The following TMTC1 variants were observed in gnomAD, a reference collection of about 807,000 sequenced individuals.
TMTC1 encodes the protein transmembrane O-mannosyltransferase targeting cadherins 1, also known as protein O-mannosyl-transferase TMTC1.
A neutral mutation model predicts 104.8 loss-of-function variants in TMTC1; 73 were observed. The ratio of observed to expected loss-of-function variants is 0.70; its 90% CI spans 0.58 to 0.85. TMTC1 has a LOEUF of 0.85. Ranked by LOEUF, TMTC1 falls within the 40% of genes least tolerant of loss-of-function variation. The pLI, the probability that TMTC1 is intolerant of heterozygous loss-of-function variation, is 0.00. For synonymous variants in TMTC1, 434 were observed against 428.7 expected (o/e 1.01, Z -0.15); for missense variants, 1,035 against 1,096.1 (o/e 0.94, Z 0.79).
chr12:29,774,815 A>G (rs1210948417), intron 1 of TMTC1, among the ~76,000 whole-genome samples: 1 of 152,224 alleles, frequency 6.6e-6, no homozygotes, highest in East Asian at 1.9e-4. Flanking sequence ...ATTATTGCTT[A>G]ATGTATCTGA....
intron 5 of TMTC1, among the ~76,000 whole-genome samples, chr12:29,702,725 G>A (rs1391159863): frequency 3.9e-5 from 6 of 152,096 alleles, no homozygotes; most frequent in South Asian, 2.1e-4. Flanking sequence ...CGGCCACTCC[G>A]TTACTGTAGA....
chr12:29,612,651 G>A (rs1423026166), intron 6 of TMTC1, among the ~76,000 whole-genome samples: 1 of 152,110 alleles, frequency 6.6e-6, no homozygotes, highest in Admixed American at 6.6e-5. Flanking sequence ...CTGAACTCAA[G>A]TGATCTGCCT....
chr12:29,506,831 G>C lies in TMTC1; in HGVS notation c.*15C>G. On this transcript the variant is annotated 3_prime_UTR_variant, in exon 18 of 18. Transcript: ENST00000539277. ...GGCACCACATTATCCTATGAGGTTG[G>C]GTCAGACGGTGGTGCTATGTTTGAT... 6.2e-7 allele frequency: 1 copy of C among 1,613,886 alleles called. No homozygotes were observed.
In TMTC1 at chr12:29,516,357, G is replaced by A; in HGVS notation, c.2299C>T (p.His767Tyr). The stretch of plus-strand genomic sequence containing the variant: ...ACAATGTCCTTCTTTACCTTGTCGT[G>A]GTTCTCCTGCTTGCTATAGATGGCT... ...LSAIYSKQENHDKALDAIDKA... is the reference protein window; with the variant it reads ...LSAIYSKQENYDKALDAIDKA... The change falls in exon 15 of 18, where the codon CAC becomes TAC. Residue 767 changes from histidine (H) to tyrosine (Y), a missense_variant. Transcript: ENST00000539277. 1 of 1,613,192 alleles carries A rather than the reference G, an allele frequency of 6.2e-7. No individual in the cohort carries two copies. The highest frequency in any genetic ancestry group is 8.5e-7 in the Non-Finnish European group (1 of 1,179,434).
intron 6 of TMTC1, among the ~76,000 whole-genome samples, chr12:29,614,312 C>T (rs1946922283): frequency 1.3e-5 from 2 of 152,174 alleles, no homozygotes; most frequent in Non-Finnish European, 2.9e-5. Context: ...CATGTTGCAT[C>T]TCATTGGACA....
chr12:29,778,804 T>C (rs1157960139), intron 1 of TMTC1, among the ~76,000 whole-genome samples: 1 of 152,216 alleles, frequency 6.6e-6, no homozygotes, highest in Admixed American at 6.5e-5. Flanking sequence ...GGATGTACTA[T>C]GGGGATCTGA....
chr12:29,510,721 C>T (rs1225022820), intron 17 of TMTC1, among the ~76,000 whole-genome samples: 2 of 152,186 alleles, frequency 1.3e-5, no homozygotes, highest in Admixed American at 6.5e-5. Context: ...TTAATCACTA[C>T]ACTGCTATTT....
chr12:29,665,704 T>C lies in TMTC1; in HGVS notation c.939-32368A>G, dbSNP rs1940250753. Among the ~76,000 whole-genome samples the C allele has an allele frequency of 2.6e-5, 4 of 152,224 alleles. No individual in the cohort carries two copies. The South Asian group carries it at 8.3e-4, about 32-fold the overall frequency. On this transcript the variant is annotated intron_variant, in intron 5 of 17. Coordinates refer to ENST00000539277, the MANE Select transcript of TMTC1 (RefSeq NM_001193451.2). ...CTGAACCTTCTCCTAGGCCCATCTG[T>C]GTACTTTCTTGTAAAATCCAGTCTT...
intron 5 of TMTC1, among the ~76,000 whole-genome samples, chr12:29,738,898 T>C (rs893978728): frequency 6.6e-6 from 1 of 152,166 alleles, no homozygotes; most frequent in African/African-American, 2.4e-5. Flanking sequence ...GTGAACACTC[T>C]ACAAAACTAT....
Position 29,769,004 on chromosome 12 carries a change from T to C in TMTC1, c.303-929A>G, listed in dbSNP as rs924633815. On this transcript the variant is annotated intron_variant, in intron 1 of 17. Coordinates refer to ENST00000539277, the MANE Select transcript of TMTC1 (RefSeq NM_001193451.2). Reference sequence around the variant, plus strand: ...ATACCCTAAGTGGTGCTGCCTACAGTTGTCTGTATTCTAGTCAATTTTACC... The same window carrying C: ...ATACCCTAAGTGGTGCTGCCTACAGCTGTCTGTATTCTAGTCAATTTTACC... 3.9e-5 allele frequency among the ~76,000 whole-genome samples: 6 copies of C among 152,270 alleles called. No homozygotes were observed. In the East Asian group the frequency reaches 5.8e-4, roughly 15 times the overall value.
chr12:29,663,325 A>C (rs1367972463), intron 5 of TMTC1, among the ~76,000 whole-genome samples: 1 of 152,172 alleles, frequency 6.6e-6, no homozygotes, highest in Non-Finnish European at 1.5e-5. Context: ...GAAATGGAAA[A>C]GGTGCTGGGG....
At chr12:29,621,903 T>C (rs142494701) in intron 6 of TMTC1, among the ~76,000 whole-genome samples, 16 of 152,280 alleles carry the variant, frequency 1.1e-4, no homozygotes, top group Non-Finnish European at 2.1e-4. Context: ...AAGTTGTTGC[T>C]GGTCGTCACC....
At chr12:29,777,107 AT>A (rs5797341) in intron 1 of TMTC1, among the ~76,000 whole-genome samples, 3 of 151,374 alleles carry the variant, frequency 2.0e-5, no homozygotes, top group African/African-American at 7.3e-5. Flanking sequence ...CTCTCTTTTT[AT>A]TTTTTTTAAC....
chr12:29,614,545 C>T (rs1946928591), intron 6 of TMTC1, among the ~76,000 whole-genome samples: 1 of 152,184 alleles, frequency 6.6e-6, no homozygotes, highest in Non-Finnish European at 1.5e-5. Context: ...ACAAAGGTCC[C>T]TATGTTTGGA....
At chr12:29,527,555 A>G (rs756532382) in intron 11 of TMTC1, among the ~76,000 whole-genome samples, 1 of 152,230 alleles carries the variant, frequency 6.6e-6, no homozygotes, top group African/African-American at 2.4e-5. Flanking sequence ...TGTAACACAG[A>G]TGTGCTTGAA....
rs1943664423 is a variant in TMTC1, at chr12:29,504,837, T to C, written c.*2009A>G. ...TTTAAGCATGAGTTTTCATTACAGA[T>C]TATTCTGAAAAGTTGTAATAAAGTC... On this transcript the variant is annotated 3_prime_UTR_variant, in exon 18 of 18. Transcript: ENST00000539277. 6.6e-6 allele frequency: 1 copy of C among 152,214 alleles called. No individual in the cohort carries two copies. The highest frequency in any genetic ancestry group is 2.1e-4 in the South Asian group (1 of 4,834). The allele number at this position is 152,214 out of a possible 1,614,324, so 9.4% of individuals were successfully genotyped here.
intron 5 of TMTC1, among the ~76,000 whole-genome samples, chr12:29,730,640 A>G (rs958189365): frequency 6.6e-6 from 1 of 152,182 alleles, no homozygotes; most frequent in African/African-American, 2.4e-5. Flanking sequence ...GGTGGCTACG[A>G]GCACTAAGAC....
At chr12:29,674,161 G>A (rs891228567) in intron 5 of TMTC1, among the ~76,000 whole-genome samples, 14 of 152,086 alleles carry the variant, frequency 9.2e-5, no homozygotes, top group African/African-American at 2.9e-4. Context: ...CACAGGCCCT[G>A]GGGTCACAGA....
intron 5 of TMTC1, among the ~76,000 whole-genome samples, chr12:29,685,369 A>T (rs1329548856): frequency 8.9e-6 from 1 of 111,934 alleles, no homozygotes; most frequent in East Asian, 4.4e-4. Flanking sequence ...TTCCAAAATA[A>T]AAAAAAAAAA....
Sources: allele counts gnomAD v4.1 joint callset (sites outside exome capture counted in the v4.1 genomes callset), GRCh38; gene constraint gnomAD v4.1.1; transcripts MANE v1.5; gene names NCBI Gene and HGNC (gene_info 2026-07-23, HGNC 2026-07-21).